Variants in RAB3IL1 observed in about 807,000 individuals in gnomAD.
RAB3IL1 encodes guanine nucleotide exchange factor for Rab-3A.
A neutral mutation model predicts 49.2 loss-of-function variants in RAB3IL1; 37 were observed. The observed-to-expected ratio is 0.75, with a 90% CI of 0.58 to 0.99. RAB3IL1 has a LOEUF of 0.99. Ranked by LOEUF, RAB3IL1 falls within the 50% of genes least tolerant of loss-of-function variation. The pLI is 0.00. For synonymous variants in RAB3IL1, 193 were observed against 213.9 expected (o/e 0.90, Z 0.85); for missense variants, 484 against 513.0 (o/e 0.94, Z 0.55).
upstream of RAB3IL1, among the ~76,000 whole-genome samples, chr11:61,923,799 A>G (rs1221191882): frequency 6.6e-6 from 1 of 152,192 alleles, no homozygotes; most frequent in African/African-American, 2.4e-5. Flanking sequence ...TTTGCAGCCA[A>G]AGTCCTCCCT....
chr11:61,908,496 G>A lies in RAB3IL1; in HGVS notation c.12-190C>T, dbSNP rs1252476383. On this transcript the variant is annotated intron_variant, in intron 1 of 9. Transcript: ENST00000394836. ...ATGTCCAAGCACAAAGTCTCTTGGG[G>A]CAAGAGGCTTATTACTCTTTGTCAA... Among the ~76,000 whole-genome samples the A allele has an allele frequency of 3.3e-5, 5 of 152,252 alleles. No homozygotes were observed. In the East Asian group the frequency reaches 9.6e-4, roughly 29 times the overall value.
At chr11:61,904,469 AC>A in intron 7 of RAB3IL1, 76 bp downstream of exon 7, 1 of 1,369,992 alleles carries the variant, frequency 7.3e-7, no homozygotes, top group Admixed American at 2.0e-5. Flanking sequence ...CATCCTGACC[AC>A]CCCTCGGCAC....
chr11:61,911,688 A>T (rs1939459409), intron 1 of RAB3IL1, among the ~76,000 whole-genome samples: 1 of 152,186 alleles, frequency 6.6e-6, no homozygotes. Context: ...GAGATGAGCC[A>T]CAGATGCCTC....
In RAB3IL1 at chr11:61,898,972, G is replaced by A. The variant is rs1410715400; in HGVS notation, c.1066+342C>T. The A allele has an allele frequency of 5.9e-6, 3 of 511,944 alleles. No individual in the cohort carries two copies. Among genetic ancestry groups the A allele is most frequent in the Non-Finnish European group, 1.1e-5 (3 of 265,008 alleles). The allele number at this position is 511,944 out of a possible 1,614,324, so 31.7% of individuals were successfully genotyped here. On this transcript the variant is annotated intron_variant, in intron 9 of 9. Transcript: ENST00000394836. This position sits in a 1 kb window ranked among gnomAD's most constrained non-coding sequence, Gnocchi z 5.1. Reference sequence around the variant, plus strand: ...GTGGAGGGAGGCCCTGTCCAGCATGGAGTGGAGTGGGAGCAAAGGCTGGAG... The same window carrying A: ...GTGGAGGGAGGCCCTGTCCAGCATGAAGTGGAGTGGGAGCAAAGGCTGGAG...
the RAB3IL1 span, among the ~76,000 whole-genome samples, chr11:61,933,567 A>G: frequency 6.6e-6 from 1 of 152,218 alleles, no homozygotes; most frequent in Non-Finnish European, 1.5e-5. Context: ...TCATTAAAAA[A>G]AGTAATGCAG....
At chr11:61,941,718 C>T in the RAB3IL1 span, among the ~76,000 whole-genome samples, 17 of 152,214 alleles carry the variant, frequency 1.1e-4, no homozygotes, top group African/African-American at 4.1e-4. Flanking sequence ...CACCACTGCA[C>T]TCCAGCCTGG....
intron 1 of RAB3IL1, among the ~76,000 whole-genome samples, chr11:61,912,136 G>C (rs780040365): frequency 4.6e-5 from 7 of 152,216 alleles, no homozygotes; most frequent in Non-Finnish European, 8.8e-5. Context: ...GGGACAGCAA[G>C]GGTGGTTCTG....
At chr11:61,910,084 G>A (rs191742677) in intron 1 of RAB3IL1, among the ~76,000 whole-genome samples, 118 of 152,336 alleles carry the variant, frequency 7.7e-4, no homozygotes, top group African/African-American at 2.5e-3. Context: ...TTCTACAGAT[G>A]AGGGGACGGA....
chr11:61,922,922 C>T (rs1939938108), upstream of RAB3IL1, among the ~76,000 whole-genome samples: 1 of 152,236 alleles, frequency 6.6e-6, no homozygotes, highest in African/African-American at 2.4e-5. Flanking sequence ...CTGGGCTTAC[C>T]TGGAAACAAT....
chr11:61,899,347 G>C lies in RAB3IL1; in HGVS notation c.1033C>G (p.Arg345Gly), dbSNP rs546971077. The change falls in exon 9 of 10, where the codon CGC becomes GGC. Residue 345 changes from arginine (R) to glycine (G), a missense_variant. Physicochemically the swap from Arg to Gly is moderately radical, Grantham distance 125. Coordinates refer to ENST00000394836, the MANE Select transcript of RAB3IL1 (RefSeq NM_013401.4). The part of the protein sequence containing the change: ...TAVCNFFTYI[R>G]YIQQGLVRQD... The stretch of plus-strand genomic sequence containing the variant: ...CGCACCAGGCCTTGCTGGATGTAGC[G>C]GATGTAGGTGAAGAAGTTGCACACT... The C allele has an allele frequency of 1.9e-6, 3 of 1,608,982 alleles. No homozygotes were observed. The highest frequency in any genetic ancestry group is 2.5e-6 in the Non-Finnish European group (3 of 1,179,808).
In RAB3IL1 at chr11:61,916,077, G is replaced by A. The variant is rs199997577; in HGVS notation, c.11+1280C>T. Among the ~76,000 whole-genome samples, 46 of 150,880 alleles carry A rather than the reference G, an allele frequency of 3.0e-4. No homozygotes were observed. The East Asian group carries it at 8.2e-3, about 27-fold the overall frequency. On this transcript the variant is annotated intron_variant, in intron 1 of 9. Coordinates refer to ENST00000394836, the MANE Select transcript of RAB3IL1 (RefSeq NM_013401.4). Reference sequence around the variant, plus strand: ...CTCAAGTCTTAGGGCAGGGCGTGGTGGTAAAAGCCTGTAATCCTAGCACTT... The same window carrying A: ...CTCAAGTCTTAGGGCAGGGCGTGGTAGTAAAAGCCTGTAATCCTAGCACTT...
chr11:61,899,228 T>G lies in RAB3IL1; in HGVS notation c.1066+86A>C, dbSNP rs964389505. 3.0e-5 allele frequency: 43 copies of G among 1,426,216 alleles called. No homozygotes were observed. The Admixed American group carries it at 8.5e-4, about 28-fold the overall frequency. 88.3% of individuals were successfully genotyped at this position (1,426,216 alleles called of 1,614,324 possible). On this transcript the variant is annotated intron_variant, in intron 9 of 9. Transcript: ENST00000394836. ...CCTCCTAGCTGAGTCTTGCCTCCACTAGGGGCAGGTGGGCCCAGAGGGCAC... is the reference window on the plus strand; with the variant it reads ...CCTCCTAGCTGAGTCTTGCCTCCACGAGGGGCAGGTGGGCCCAGAGGGCAC...
At chr11:61,944,457 G>A in the RAB3IL1 span, among the ~76,000 whole-genome samples, 1 of 152,020 alleles carries the variant, frequency 6.6e-6, no homozygotes, top group Non-Finnish European at 1.5e-5. Flanking sequence ...TTGGTAACAA[G>A]CTTCCAAATG....
intron 8 of RAB3IL1, among the ~76,000 whole-genome samples, chr11:61,901,609 T>C (rs542761544): frequency 3.3e-5 from 5 of 152,360 alleles, no homozygotes; most frequent in African/African-American, 1.2e-4. Context: ...AGAGTGGCCC[T>C]CCTGATGGCT....
chr11:61,946,047 G>A, the RAB3IL1 span, among the ~76,000 whole-genome samples: 14 of 152,166 alleles, frequency 9.2e-5, no homozygotes, highest in African/African-American at 3.4e-4. Flanking sequence ...CAGGGTGGAG[G>A]TGCTGTTGTC....
upstream of RAB3IL1, chr11:61,920,199 A>G: frequency 7.9e-7 from 1 of 1,264,456 alleles, no homozygotes; most frequent in South Asian, 3.0e-5. Context: ...CCATGCTTGC[A>G]AGGCCAGACT....
upstream of RAB3IL1, among the ~76,000 whole-genome samples, chr11:61,920,806 T>C (rs1010634184): frequency 1.5e-4 from 23 of 152,112 alleles, no homozygotes; most frequent in African/African-American, 4.8e-4. Context: ...GCCTGTAATC[T>C]CAGCTACTCG....
rs111411537 is a variant in RAB3IL1 at position 61,901,939 on chromosome 11, A to T, written c.999+503T>A. On this transcript the variant is annotated intron_variant, in intron 8 of 9. Coordinates refer to ENST00000394836, the MANE Select transcript of RAB3IL1 (RefSeq NM_013401.4). ...GGTTGATAGTAATTTGTTACACCGT[A>T]ATAGCAAACCACTGCCCTTGGCTTG... Among the ~76,000 whole-genome samples, 802 of 152,362 alleles carry T rather than the reference A, an allele frequency of 5.3e-3. 3 individuals carry two copies. Among genetic ancestry groups the T allele is most frequent in the South Asian group, 0.029 (138 of 4,832 alleles).
At chr11:61,914,400 T>C (rs1203243038) in intron 1 of RAB3IL1, among the ~76,000 whole-genome samples, 1 of 152,260 alleles carries the variant, frequency 6.6e-6, no homozygotes, top group Non-Finnish European at 1.5e-5. Flanking sequence ...AACAGTGTCA[T>C]GCAGAAACTT....
Sources: allele counts gnomAD v4.1 joint callset (sites outside exome capture counted in the v4.1 genomes callset), GRCh38; gene constraint gnomAD v4.1.1; non-coding constraint Gnocchi (gnomAD v3.1); transcripts MANE v1.5; gene names NCBI Gene and HGNC (gene_info 2026-07-23, HGNC 2026-07-21).